The following MYO1E variants were observed in gnomAD, a reference collection of about 807,000 sequenced individuals.
MYO1E encodes the protein myosin IE, also known as unconventional myosin-Ie.
MYO1E carries 68 observed loss-of-function variants against 151.1 expected under a neutral mutation model. That is an observed-to-expected ratio of 0.45 (90% CI 0.37 to 0.55). The LOEUF is 0.55. Ranked by LOEUF, MYO1E falls within the 20% of genes least tolerant of loss-of-function variation. The pLI, the probability that MYO1E is intolerant of heterozygous loss-of-function variation, is 0.00. For synonymous variants in MYO1E, 601 were observed against 501.7 expected (o/e 1.20, Z -2.64); for missense variants, 1,363 against 1,389.3 (o/e 0.98, Z 0.30).
rs1164090360 is a variant in MYO1E at position 59,137,468 on chromosome 15, G to C, written c.3251-12C>G. ...CCAGCCAGAAGGATCTGCAGGGAGA[G>C]AGAGGTGGTGGAAGTGAAGATGAGA... On this transcript the variant is annotated splice_polypyrimidine_tract_variant and intron_variant, in intron 27 of 27. Coordinates refer to ENST00000288235, the MANE Select transcript of MYO1E (RefSeq NM_004998.4). The C allele has an allele frequency of 3.7e-6, 6 of 1,613,162 alleles. No homozygotes were observed. The highest frequency in any genetic ancestry group is 4.2e-6 in the Non-Finnish European group (5 of 1,179,104).
intron 18 of MYO1E, 73 bp downstream of exon 18, chr15:59,188,045 G>T: frequency 1.8e-6 from 2 of 1,130,776 alleles, no homozygotes; most frequent in South Asian, 1.2e-5. Context: ...GCTTGAAGTG[G>T]GTGAATTGTA....
intron 1 of MYO1E, among the ~76,000 whole-genome samples, chr15:59,354,904 C>T (rs577513028): frequency 3.3e-5 from 5 of 152,316 alleles, no homozygotes; most frequent in Non-Finnish European, 7.3e-5. Flanking sequence ...CCACTAATAT[C>T]CTGTTCTGTG....
chr15:59,171,937 G>A lies in MYO1E; in HGVS notation c.2440C>T (p.Arg814Trp), dbSNP rs746567114. Residue 814 changes from arginine to tryptophan, a missense_variant, in exon 22 of 28, where the codon CGG becomes TGG. Arg to Trp is a moderately radical substitution (Grantham distance 101). Transcript: ENST00000288235. ...DKGLVKEVLK[R>W]KIEIERILSV... ...AAGATCCGTTCTATCTCGATTTTCC[G>A]CTTCAGGACTTCTTTCACCAGGCCC... is the stretch of plus-strand genomic sequence containing the variant. 1.2e-5 allele frequency: 19 copies of A among 1,614,022 alleles called. No homozygotes were observed. The highest frequency in any genetic ancestry group is 1.6e-5 in the Non-Finnish European group (19 of 1,180,030).
intron 16 of MYO1E, among the ~76,000 whole-genome samples, chr15:59,198,964 G>A (rs1328752566): frequency 1.3e-5 from 2 of 152,136 alleles, no homozygotes; most frequent in Non-Finnish European, 2.9e-5. Context: ...TGCCACCTCT[G>A]AGCTTGGTTC....
intron 18 of MYO1E, 79 bp downstream of exon 18, chr15:59,188,039 G>T: frequency 9.3e-7 from 1 of 1,072,104 alleles, no homozygotes; most frequent in Non-Finnish European, 1.4e-6. Context: ...TCGTACGCTT[G>T]AAGTGGGTGA....
intron 2 of MYO1E, among the ~76,000 whole-genome samples, chr15:59,266,061 G>A (rs181223985): frequency 7.2e-5 from 11 of 152,234 alleles, no homozygotes; most frequent in East Asian, 1.9e-4. Context: ...TAAACATATC[G>A]TAGTTATTTC....
intron 1 of MYO1E, among the ~76,000 whole-genome samples, chr15:59,351,741 G>GT (rs34514689): frequency 0.53 from 81,273 of 151,976 alleles, 26,706 homozygotes; most frequent in Non-Finnish European, 0.74. Context: ...CTCACAGGAC[G>GT]TTGGAAATGG....
At chr15:59,349,699 CCAT>C (rs777801991) in intron 1 of MYO1E, among the ~76,000 whole-genome samples, 26 of 152,200 alleles carry the variant, frequency 1.7e-4, no homozygotes, top group Non-Finnish European at 1.8e-4. Flanking sequence ...CATCTGCCAT[CCAT>C]CCCTCCCCAA....
At chr15:59,314,353 T>C (rs2080572295) in intron 1 of MYO1E, among the ~76,000 whole-genome samples, 1 of 152,216 alleles carries the variant, frequency 6.6e-6, no homozygotes, top group Non-Finnish European at 1.5e-5. Context: ...ATACTATTGA[T>C]AGTTATTCCT....
rs145062935 is a variant in MYO1E, at chr15:59,205,369, T to C, written c.1616+31A>G. On this transcript the variant is annotated intron_variant, in intron 15 of 27. Coordinates refer to ENST00000288235, the MANE Select transcript of MYO1E (RefSeq NM_004998.4). ...TATTGAAAATTTCATCAAACCTATA[T>C]CCCCTGTCAGCTATGGCAAAACATA... is the stretch of plus-strand genomic sequence containing the variant. 1.8e-3 allele frequency: 2,866 copies of C among 1,599,506 alleles called. 7 individuals are homozygous for C. Among genetic ancestry groups the C allele is most frequent in the South Asian group, 3.0e-3 (269 of 90,808 alleles).
In MYO1E at chr15:59,195,574, AG is replaced by A; in HGVS notation, c.1699-8del. 1 of 1,605,118 alleles carries A rather than the reference AG, an allele frequency of 6.2e-7. No individual in the cohort carries two copies. The highest frequency in any genetic ancestry group is 8.5e-7 in the Non-Finnish European group (1 of 1,171,772). On this transcript the variant is annotated splice_region_variant and splice_polypyrimidine_tract_variant and intron_variant, in intron 16 of 27. Transcript: ENST00000288235. Reference sequence around the variant, plus strand: ...CAAGGTCATTGGCTTGTTTCTAGAAAGGAAGAACAGTATCAGAATCATGGAA... The same window carrying A: ...CAAGGTCATTGGCTTGTTTCTAGAAAGAAGAACAGTATCAGAATCATGGAA...
chr15:59,293,088 C>A (rs868567078), intron 1 of MYO1E, among the ~76,000 whole-genome samples: 1 of 152,140 alleles, frequency 6.6e-6, no homozygotes, highest in African/African-American at 2.4e-5. Context: ...TAAGTCTGCA[C>A]TGAGTGGGAG....
intron 19 of MYO1E, among the ~76,000 whole-genome samples, chr15:59,177,785 T>C (rs1186562896): frequency 6.6e-6 from 1 of 152,232 alleles, no homozygotes; most frequent in African/African-American, 2.4e-5. Context: ...TATGAATGCC[T>C]TACTGGTAAG....
chr15:59,355,181 G>C (rs2080846486), intron 1 of MYO1E, among the ~76,000 whole-genome samples: 1 of 152,166 alleles, frequency 6.6e-6, no homozygotes, highest in Non-Finnish European at 1.5e-5. Context: ...CACAAACCAT[G>C]AGCATGACAG....
At chr15:59,338,834 T>C (rs1408193681) in intron 1 of MYO1E, among the ~76,000 whole-genome samples, 2 of 152,166 alleles carry the variant, frequency 1.3e-5, no homozygotes, top group East Asian at 1.9e-4. Flanking sequence ...GAGTGCACCC[T>C]ATAAATAAAA....
At chr15:59,284,185 C>T (rs563908114) in intron 1 of MYO1E, among the ~76,000 whole-genome samples, 71 of 152,312 alleles carry the variant, frequency 4.7e-4, no homozygotes, top group Middle Eastern at 3.4e-3. Context: ...GAATAAATTC[C>T]AGGCTACACT....
chr15:59,171,968 T>C lies in MYO1E; in HGVS notation c.2409A>G (p.Pro803=). Residue 803 remains proline (P), a synonymous_variant, in exon 22 of 28, where the codon CCA becomes CCG. Transcript: ENST00000288235. The part of the protein sequence containing the change: ...LIGREKVKQG[P]DKGLVKEVLK... ...GGACTTCTTTCACCAGGCCCTTGTC[T>C]GGGCCCTGTTTGACTTTTTCTCGTC... is the stretch of plus-strand genomic sequence containing the variant. 4 of 1,614,204 alleles carry C rather than the reference T, an allele frequency of 2.5e-6. No homozygotes were observed. In the South Asian group the frequency reaches 3.3e-5, roughly 13 times the overall value.
intron 1 of MYO1E, among the ~76,000 whole-genome samples, chr15:59,303,478 G>A (rs545115343): frequency 1.3e-5 from 2 of 152,132 alleles, no homozygotes; most frequent in East Asian, 1.9e-4. Context: ...GCAGTGAGCC[G>A]AGACCGTACC....
At chr15:59,220,620 C>T (rs1235853527) in intron 9 of MYO1E, among the ~76,000 whole-genome samples, 2 of 152,098 alleles carry the variant, frequency 1.3e-5, no homozygotes, top group South Asian at 2.1e-4. Flanking sequence ...TGGACTACCA[C>T]TTCCCTCTAC....
Sources: gnomAD v4.1 joint callset for allele counts (sites outside exome capture counted in the v4.1 genomes callset) on GRCh38, gnomAD v4.1.1 for gene constraint, MANE v1.5 for transcripts, NCBI Gene and HGNC (gene_info 2026-07-23, HGNC 2026-07-21) for gene names.